The following PPIP5K2 variants were observed in gnomAD, a reference collection of about 807,000 sequenced individuals.
The protein encoded by PPIP5K2 is inositol hexakisphosphate and diphosphoinositol-pentakisphosphate kinase 2.
Under a neutral mutation model 154.6 loss-of-function variants are expected in PPIP5K2, and 105 were observed. That is an observed-to-expected ratio of 0.68 (90% confidence interval 0.58 to 0.80). The LOEUF (loss-of-function observed/expected upper bound fraction) is 0.80, where lower values mean the gene tolerates loss of function less well. Ranked by LOEUF, PPIP5K2 falls within the 30% of genes least tolerant of loss-of-function variation. PPIP5K2 has a pLI of 0.00. For synonymous variants in PPIP5K2, 480 were observed against 490.3 expected (o/e 0.98, Z 0.28); for missense variants, 992 against 1,504.6 (o/e 0.66, Z 5.64).
At chr5:103,178,581 T>G (rs1799058544) in intron 23 of PPIP5K2, among the ~76,000 whole-genome samples, 1 of 151,536 alleles carries the variant, frequency 6.6e-6, no homozygotes, top group Non-Finnish European at 1.5e-5. Context: ...TTTCATGCAT[T>G]TTCATATAAA....
rs1798985497 is a variant in PPIP5K2, at chr5:103,178,131, T to C, written c.2754+151T>C. On this transcript the variant is annotated intron_variant, in intron 23 of 30. Transcript: ENST00000358359. Reference sequence around the variant, plus strand: ...TAAATTTTTTAAAGTGTGATTTGTATAGACTGTACTTTTATGCATATTGCA... The same window carrying C: ...TAAATTTTTTAAAGTGTGATTTGTACAGACTGTACTTTTATGCATATTGCA... 3 of 611,632 alleles carry C rather than the reference T, an allele frequency of 4.9e-6. No individual in the cohort carries two copies. In the African/African-American group the frequency reaches 5.6e-5, roughly 11 times the overall value. The allele number at this position is 611,632 out of a possible 1,614,324, so 37.9% of individuals were successfully genotyped here. A position where few individuals can be genotyped will look rare whatever the true frequency, so the allele number is the denominator to read the frequency against.
rs190678707 is a variant in PPIP5K2 at position 103,181,168 on chromosome 5, T to G, written c.2922+980T>G. Among the ~76,000 whole-genome samples, 42 of 152,314 alleles carry G rather than the reference T, an allele frequency of 2.8e-4. No individual in the cohort carries two copies. The East Asian group carries it at 7.5e-3, about 27-fold the overall frequency. ...GCACCTGTATACATTTTTAATACTT[T>G]AAATAAGTTTTATTTGGGGTTATCT... On this transcript the variant is annotated intron_variant, in intron 24 of 30. Coordinates refer to ENST00000358359, the MANE Select transcript of PPIP5K2 (RefSeq NM_001276277.3).
At chr5:103,185,724 T>C (rs1216761736) in intron 26 of PPIP5K2, among the ~76,000 whole-genome samples, 1 of 152,128 alleles carries the variant, frequency 6.6e-6, no homozygotes, top group Admixed American at 6.5e-5. Context: ...AATTAAGATC[T>C]TAAGTCACTT....
chr5:103,211,577 G>A lies in PPIP5K2; in HGVS notation c.*9943G>A, dbSNP rs1405398846. On this transcript the variant is annotated 3_prime_UTR_variant, in exon 31 of 31. Transcript: ENST00000358359. ...AGAGAACTCCCAGGTAAACACACAG[G>A]TAGCCCCTTCTAAAATGCAAATGCC... is the stretch of plus-strand genomic sequence containing the variant. 1.3e-5 allele frequency: 2 copies of A among 152,052 alleles called. No individual in the cohort carries two copies. Among genetic ancestry groups the A allele is most frequent in the Non-Finnish European group, 2.9e-5 (2 of 67,958 alleles). The allele number at this position is 152,052 out of a possible 1,614,324, so 9.4% of individuals were successfully genotyped here.
chr5:103,149,628 A>C lies in PPIP5K2; in HGVS notation c.906+315A>C, dbSNP rs144044143. Among the ~76,000 whole-genome samples, 675 of 152,080 alleles carry C rather than the reference A, an allele frequency of 4.4e-3. 4 individuals carry two copies. Among genetic ancestry groups the C allele is most frequent in the Middle Eastern group, 0.02 (6 of 294 alleles). On this transcript the variant is annotated intron_variant, in intron 8 of 30. Transcript: ENST00000358359. ...TGGCTTTAAGTGTTACTTTCATAGA[A>C]TTGGTAAGATTTTTTTGTTGAATGA... is the stretch of plus-strand genomic sequence containing the variant.
In PPIP5K2 at chr5:103,147,972, A is replaced by T. The variant is rs529722583; in HGVS notation, c.684A>T (p.Val228=). The stretch of plus-strand genomic sequence containing the variant: ...GTGTTTATTCTCCAGAAAGCAATGT[A>T]CGAAAAACAGGCTCATATATATATG... ...RSSVYSPESN[V]RKTGSYIYEE... is the part of the protein sequence containing the mutation. The change falls in exon 7 of 31, where the codon GTA becomes GTT. Residue 228 remains valine (V), a synonymous_variant. Coordinates refer to ENST00000358359, the MANE Select transcript of PPIP5K2 (RefSeq NM_001276277.3). The T allele has an allele frequency of 6.2e-7, 1 of 1,604,904 alleles. No individual in the cohort carries two copies. The highest frequency in any genetic ancestry group is 8.5e-7 in the Non-Finnish European group (1 of 1,174,742).
At chr5:103,130,476 G>A (rs1790433110) in intron 2 of PPIP5K2, among the ~76,000 whole-genome samples, 1 of 152,016 alleles carries the variant, frequency 6.6e-6, no homozygotes, top group African/African-American at 2.4e-5. Flanking sequence ...GTTCTATTTT[G>A]TAAAAATAGT....
At chr5:103,157,701 C>CAAA (rs200006175) in intron 14 of PPIP5K2, among the ~76,000 whole-genome samples, 33 of 133,596 alleles carry the variant, frequency 2.5e-4, no homozygotes, top group African/African-American at 8.4e-4. Context: ...GACTCTGTCT[C>CAAA]AAAAAAAAAA....
chr5:103,127,401 A>C (rs1334330505), intron 1 of PPIP5K2, among the ~76,000 whole-genome samples: 1 of 152,212 alleles, frequency 6.6e-6, no homozygotes, highest in Non-Finnish European at 1.5e-5. Flanking sequence ...TTATTTGGCT[A>C]TCTTCCTACT....
chr5:103,136,071 G>C (rs1554204097), intron 3 of PPIP5K2: 1 of 143,100 alleles, frequency 7.0e-6, no homozygotes, highest in African/African-American at 2.6e-5. Flanking sequence ...TCCTGGATTT[G>C]AGTGATTCTC....
Position 103,202,789 on chromosome 5 carries a change from T to C in PPIP5K2, c.*1155T>C, listed in dbSNP as rs1554231089. ...TTAAACTGTAATCCAAATGGGACAA[T>C]CTGATAAGAATTTCATGCATTGGTA... On this transcript the variant is annotated 3_prime_UTR_variant, in exon 31 of 31. Transcript: ENST00000358359. 1 of 152,136 alleles carries C rather than the reference T, an allele frequency of 6.6e-6. No homozygotes were observed. The highest frequency in any genetic ancestry group is 1.9e-4 in the East Asian group (1 of 5,194). 9.4% of individuals were successfully genotyped at this position (152,136 alleles called of 1,614,324 possible).
chr5:103,137,005 T>G (rs1394314812), intron 4 of PPIP5K2, among the ~76,000 whole-genome samples, 183 bp downstream of exon 4: 3 of 152,188 alleles, frequency 2.0e-5, no homozygotes, highest in Non-Finnish European at 4.4e-5. Context: ...TTAGGAAGAT[T>G]GATTAATCTA....
rs1800561841 is a variant in PPIP5K2, at chr5:103,187,392, A to G, written c.3352+16A>G. ...CCAACCAATGGTACGTTTTGCTTTTATTTTAAAAGATACTCCCCTGCTTCA... is the reference window on the plus strand; with the variant it reads ...CCAACCAATGGTACGTTTTGCTTTTGTTTTAAAAGATACTCCCCTGCTTCA... On this transcript the variant is annotated intron_variant, in intron 28 of 30. Coordinates refer to ENST00000358359, the MANE Select transcript of PPIP5K2 (RefSeq NM_001276277.3). The G allele has an allele frequency of 6.6e-7, 1 of 1,508,732 alleles. No homozygotes were observed. The highest frequency in any genetic ancestry group is 1.4e-5 in the African/African-American group (1 of 72,338). 93.5% of individuals were successfully genotyped at this position (1,508,732 alleles called of 1,614,324 possible). A position where few individuals can be genotyped will look rare whatever the true frequency, so the allele number is the denominator to read the frequency against.
chr5:103,125,608 A>G (rs1789534466), intron 1 of PPIP5K2, among the ~76,000 whole-genome samples: 1 of 152,000 alleles, frequency 6.6e-6, no homozygotes. Context: ...AACTGTCTGT[A>G]TAACTTGTCT....
chr5:103,159,945 C>T (rs903418216), intron 17 of PPIP5K2, among the ~76,000 whole-genome samples: 12 of 152,092 alleles, frequency 7.9e-5, no homozygotes, highest in African/African-American at 2.7e-4. Flanking sequence ...TTTCCAGCCT[C>T]TGGTAGCCAT....
At chr5:103,122,363 C>T (rs1392554845) in intron 1 of PPIP5K2, among the ~76,000 whole-genome samples, 1 of 152,148 alleles carries the variant, frequency 6.6e-6, no homozygotes, top group Non-Finnish European at 1.5e-5. Context: ...CTCAGGAAAA[C>T]CTTCACTGAA....
intron 21 of PPIP5K2, chr5:103,176,920 A>C: frequency 6.9e-7 from 1 of 1,449,268 alleles, no homozygotes; most frequent in Non-Finnish European, 9.3e-7. Flanking sequence ...GGTAAGATCA[A>C]TAGAATTTAC....
chr5:103,156,048 C>A, intron 14 of PPIP5K2, 54 bp downstream of exon 14: 1 of 1,196,144 alleles, frequency 8.4e-7, no homozygotes, highest in Non-Finnish European at 1.2e-6. Flanking sequence ...ACTTGTTATT[C>A]ACTGTTGATT....
chr5:103,126,020 C>G (rs927033299), intron 1 of PPIP5K2, among the ~76,000 whole-genome samples: 1 of 152,164 alleles, frequency 6.6e-6, no homozygotes, highest in Non-Finnish European at 1.5e-5. Context: ...CTGCTCTGCT[C>G]CACCTTACTC....
Sources: allele counts gnomAD v4.1 joint callset (sites outside exome capture counted in the v4.1 genomes callset), GRCh38; gene constraint gnomAD v4.1.1; transcripts MANE v1.5; gene names NCBI Gene and HGNC (gene_info 2026-07-23, HGNC 2026-07-21).